XPO4: variants seen among roughly 807,000 people sequenced by gnomAD.
XPO4 encodes the protein exportin 4.
XPO4 carries 39 observed loss-of-function variants against 143.0 expected under a neutral mutation model. The observed-to-expected ratio is 0.27, with a 90% CI of 0.21 to 0.36. The LOEUF (loss-of-function observed/expected upper bound fraction) is 0.36, where lower values mean the gene tolerates loss of function less well. XPO4 is among the 10% of genes least tolerant of loss of function. XPO4 has a pLI of 1.00. For missense variants in XPO4, 907 were observed against 1,348.0 expected, an observed-to-expected ratio of 0.67 and a Z score of 5.12; for synonymous variants, 439 against 474.0, an observed-to-expected ratio of 0.93 and a Z score of 0.96.
intron 4 of XPO4, chr13:20,848,154 C>G (rs1470638536): frequency 1.1e-5 from 9 of 802,150 alleles, no homozygotes; most frequent in Non-Finnish European, 1.4e-5. Context: ...ATTTGACTGC[C>G]ACTAACAGGT....
chr13:20,841,131 T>C (rs955398284), intron 6 of XPO4, among the ~76,000 whole-genome samples: 1 of 152,182 alleles, frequency 6.6e-6, no homozygotes, highest in Admixed American at 6.5e-5. Flanking sequence ...CAGTGTAACT[T>C]TTGTTGATTT....
At position 20,781,623 on chromosome 13, in the gene XPO4, T is replaced by C. The variant is rs960434548; in HGVS notation, c.*2099A>G. 6.6e-6 allele frequency: 1 copy of C among 152,488 alleles called. No individual in the cohort carries two copies. The highest frequency in any genetic ancestry group is 2.4e-5 in the African/African-American group (1 of 41,456). The allele number at this position is 152,488 out of a possible 1,614,324, so 9.4% of individuals were successfully genotyped here. ...CCATCTGGATAAAAGTTATTAAATA[T>C]AGATGCCTTTTTACTTACCAAGGCA... On this transcript the variant is annotated 3_prime_UTR_variant, in exon 23 of 23. Transcript: ENST00000255305.
rs2059356777 is a variant in XPO4 at position 20,796,258 on chromosome 13, T to C, written c.2617-2A>G. ...TTCATATAAGTTCATAGCTTTGGACTGAAAAAAAAAAAAATGCACAAATTA... is the reference window on the plus strand; with the variant it reads ...TTCATATAAGTTCATAGCTTTGGACCGAAAAAAAAAAAAATGCACAAATTA... On this transcript the variant is annotated splice_acceptor_variant, in intron 17 of 22. Coordinates refer to ENST00000255305, the MANE Select transcript of XPO4 (RefSeq NM_022459.5). LOFTEE classifies it high-confidence loss of function. 6.6e-7 allele frequency: 1 copy of C among 1,521,892 alleles called. No individual in the cohort carries two copies. Among genetic ancestry groups the C allele is most frequent in the Non-Finnish European group, 8.8e-7 (1 of 1,139,486 alleles). The allele number at this position is 1,521,892 out of a possible 1,614,324, so 94.3% of individuals were successfully genotyped here.
intron 1 of XPO4, among the ~76,000 whole-genome samples, chr13:20,885,631 A>G (rs1195828717): frequency 6.6e-6 from 1 of 152,208 alleles, no homozygotes; most frequent in African/African-American, 2.4e-5. Context: ...GGGCATGGAA[A>G]GGTTGAAAGC....
At chr13:20,878,023 T>C (rs1385028157) in intron 1 of XPO4, among the ~76,000 whole-genome samples, 1 of 152,104 alleles carries the variant, frequency 6.6e-6, no homozygotes, top group Non-Finnish European at 1.5e-5. Flanking sequence ...ATGGCAAATC[T>C]CTGTCTCTAC....
chr13:20,830,754 A>G (rs2138007751), intron 6 of XPO4, among the ~76,000 whole-genome samples: 1 of 152,342 alleles, frequency 6.6e-6, no homozygotes, highest in East Asian at 1.9e-4. Flanking sequence ...TGTTTTAGTT[A>G]TCAGACTGTA....
intron 4 of XPO4, among the ~76,000 whole-genome samples, chr13:20,853,309 T>C (rs513795): frequency 0.3 from 41,715 of 137,670 alleles, 7,560 homozygotes; most frequent in East Asian, 0.8. Context: ...CCACAGACTG[T>C]GCAACAGAGC....
At chr13:20,847,461 G>GA (rs926081228) in intron 4 of XPO4, among the ~76,000 whole-genome samples, 1 of 151,964 alleles carries the variant, frequency 6.6e-6, no homozygotes, top group African/African-American at 2.4e-5. Context: ...AGAGAGGAAA[G>GA]AAAAAAAATT....
intron 9 of XPO4, among the ~76,000 whole-genome samples, chr13:20,821,330 C>T (rs1029767634): frequency 6.6e-6 from 1 of 151,120 alleles, no homozygotes; most frequent in South Asian, 2.1e-4. Flanking sequence ...AAAAATTACA[C>T]GTAATTACAC....
chr13:20,838,187 T>C (rs930712360), intron 6 of XPO4, among the ~76,000 whole-genome samples: 8 of 152,232 alleles, frequency 5.3e-5, no homozygotes, highest in Non-Finnish European at 1.2e-4. Flanking sequence ...AATATTAATA[T>C]CTAAATATTT....
chr13:20,891,123 A>AT (rs1491240142), intron 1 of XPO4, among the ~76,000 whole-genome samples: 1 of 23,538 alleles, frequency 4.2e-5, no homozygotes, highest in African/African-American at 2.1e-4. Context: ...ATCTCAATTT[A>AT]AAAAAAAAAA....
chr13:20,850,318 T>C, intron 4 of XPO4: 1 of 953,338 alleles, frequency 1.0e-6, no homozygotes, highest in Non-Finnish European at 1.2e-6. Context: ...TTTTACATAT[T>C]AGTGAACTAA....
At chr13:20,859,354 A>G (rs1255452335) in intron 3 of XPO4, among the ~76,000 whole-genome samples, 4 of 152,152 alleles carry the variant, frequency 2.6e-5, no homozygotes, top group African/African-American at 9.7e-5. Flanking sequence ...TAATCCCAGC[A>G]CTTTGGTAGG....
chr13:20,809,761 C>T, intron 10 of XPO4, 30 bp downstream of exon 10: 1 of 1,570,556 alleles, frequency 6.4e-7, no homozygotes. Context: ...ATGAAATAGA[C>T]TGTTAATTAC....
intron 4 of XPO4, chr13:20,849,148 C>CT (rs1194064035): frequency 1.0e-6 from 1 of 985,304 alleles, no homozygotes; most frequent in Non-Finnish European, 1.2e-6. Flanking sequence ...AGGATTGTCT[C>CT]TTATAATAGC....
rs1041432458 is a variant in XPO4, at chr13:20,843,652, C to A, written c.573+118G>T. On this transcript the variant is annotated intron_variant, in intron 5 of 22. Transcript: ENST00000255305. ...TATCCTTTGAAATCACAAAACAAATCCTGAAGTACAGGCTACCATTCAACT... is the reference window on the plus strand; with the variant it reads ...TATCCTTTGAAATCACAAAACAAATACTGAAGTACAGGCTACCATTCAACT... 14 of 697,962 alleles carry A rather than the reference C, an allele frequency of 2.0e-5. No individual in the cohort carries two copies. In the African/African-American group the frequency reaches 2.5e-4, roughly 13 times the overall value. The allele number at this position is 697,962 out of a possible 1,614,324, so 43.2% of individuals were successfully genotyped here. A position where few individuals can be genotyped will look rare whatever the true frequency, so the allele number is the denominator to read the frequency against.
chr13:20,785,899 A>AGG (rs1566551895), intron 22 of XPO4, among the ~76,000 whole-genome samples: 5 of 45,692 alleles, frequency 1.1e-4, no homozygotes, highest in African/African-American at 1.5e-4. Flanking sequence ...AAAGAAAGAA[A>AGG]GAGGAGGGAG....
intron 6 of XPO4, among the ~76,000 whole-genome samples, chr13:20,838,776 A>G (rs1258484406): frequency 1.3e-5 from 2 of 152,142 alleles, no homozygotes; most frequent in East Asian, 1.9e-4. Flanking sequence ...AGCCCACACA[A>G]AAATTATAAA....
intron 6 of XPO4, among the ~76,000 whole-genome samples, chr13:20,833,961 G>A (rs1218699629): frequency 6.6e-6 from 1 of 152,114 alleles, no homozygotes; most frequent in Non-Finnish European, 1.5e-5. Flanking sequence ...CACAGGACCA[G>A]GACACTTTCT....
Sources: allele counts gnomAD v4.1 joint callset (sites outside exome capture counted in the v4.1 genomes callset), GRCh38; gene constraint gnomAD v4.1.1; transcripts MANE v1.5; gene names NCBI Gene and HGNC (gene_info 2026-07-23, HGNC 2026-07-21).